CPT1C: variants seen among roughly 807,000 people sequenced by gnomAD.
The protein encoded by CPT1C is palmitoyl thioesterase CPT1C.
A neutral mutation model predicts 97.3 loss-of-function variants in CPT1C; 61 were observed. That is an observed-to-expected ratio of 0.63 (90% CI 0.51 to 0.78). CPT1C has a LOEUF of 0.78. Ranked by LOEUF, CPT1C falls within the 30% of genes least tolerant of loss-of-function variation. The pLI, the probability that CPT1C is intolerant of heterozygous loss-of-function variation, is 0.00. For synonymous variants in CPT1C, 469 were observed against 447.2 expected (o/e 1.05, Z -0.61); for missense variants, 975 against 1,065.5 (o/e 0.92, Z 1.18).
chr19:49,712,218 C>G, intron 17 of CPT1C: 1 of 457,678 alleles, frequency 2.2e-6, no homozygotes, highest in Non-Finnish European at 3.9e-6. Flanking sequence ...TGACAGGCAC[C>G]TGTAATCCCA....
intron 3 of CPT1C, 113 bp downstream of exon 3, chr19:49,692,506 C>A: frequency 7.4e-7 from 1 of 1,351,584 alleles, no homozygotes; most frequent in Non-Finnish European, 1.0e-6. Flanking sequence ...ACTATCACCC[C>A]TTTTTCTTAG....
intron 3 of CPT1C, among the ~76,000 whole-genome samples, chr19:49,695,291 T>G (rs1335653260): frequency 6.6e-6 from 1 of 150,984 alleles, no homozygotes; most frequent in East Asian, 1.9e-4. Flanking sequence ...TTTTTTTTTT[T>G]TTTTTTTTTG....
In CPT1C at chr19:49,706,482, T is replaced by C. The variant is rs12980899; in HGVS notation, c.1343+69T>C. On this transcript the variant is annotated intron_variant, in intron 12 of 19. Transcript: ENST00000598293. This position sits in a 1 kb window ranked among gnomAD's most constrained non-coding sequence, Gnocchi z 4.8. ...AATCCAGTATCAGACCTAGGACCCC[T>C]GACAGTAGACAGCCAGACCCTGGAG... 206,446 of 1,315,634 alleles carry C rather than the reference T, an allele frequency of 0.16. 17,822 individuals are homozygous for C. Among genetic ancestry groups the C allele is most frequent in the Non-Finnish European group, 0.18 (178,239 of 1,014,668 alleles). 81.5% of individuals were successfully genotyped at this position (1,315,634 alleles called of 1,614,324 possible).
intron 17 of CPT1C, chr19:49,712,405 T>G (rs1400443635): frequency 2.4e-5 from 8 of 332,244 alleles, no homozygotes; most frequent in African/African-American, 6.9e-5. Context: ...AAGTCAGTTG[T>G]GGGGGGGCGG....
intron 16 of CPT1C, 157 bp downstream of exon 16, chr19:49,711,014 G>A (rs536716160): frequency 2.0e-4 from 139 of 691,176 alleles, no homozygotes; most frequent in Non-Finnish European, 2.0e-4. Context: ...GCTCACTGAT[G>A]GGGGGAGACA....
intron 14 of CPT1C, among the ~76,000 whole-genome samples, chr19:49,709,218 TCCTAACTCCACCCCATACCAAAC>T (rs1436246520): frequency 8.1e-4 from 123 of 151,088 alleles, no homozygotes; most frequent in African/African-American, 2.8e-3. Context: ...CCCATGTTCA[TCCTAACTCCACCCCATACCAAAC>T]CCTAACCCCA....
Position 49,701,481 on chromosome 19 carries a change from C to G in CPT1C, c.556-16C>G. On this transcript the variant is annotated splice_polypyrimidine_tract_variant and intron_variant, in intron 6 of 19. Transcript: ENST00000598293. ...GGGCGGGCCGGGGGCGTGACCTGCC[C>G]TCTTCTCCCCTTTAGTACCTGGAGT... 6.3e-7 allele frequency: 1 copy of G among 1,599,432 alleles called. No homozygotes were observed. The highest frequency in any genetic ancestry group is 8.6e-7 in the Non-Finnish European group (1 of 1,169,292).
chr19:49,695,707 C>A (rs1324969020), intron 3 of CPT1C, among the ~76,000 whole-genome samples: 1 of 150,896 alleles, frequency 6.6e-6, no homozygotes, highest in African/African-American at 2.4e-5. Flanking sequence ...GCCTCAGCCT[C>A]CAAGTAGCTA....
upstream of CPT1C, chr19:49,690,686 T>C (rs2082316338): frequency 3.7e-6 from 2 of 539,898 alleles, no homozygotes; most frequent in African/African-American, 1.9e-5. The surrounding 1 kb of genome is among the most constrained non-coding windows in gnomAD (Gnocchi z 4.4). Flanking sequence ...ACTGTCTACC[T>C]TGAATCCAAC....
In CPT1C at chr19:49,710,920, C is replaced by T. The variant is rs546451413; in HGVS notation, c.1866+63C>T. ...GTGTACTCACTCATCCACTTGCAAA[C>T]GTTGATGGGACCTACTGAAGCCAGC... On this transcript the variant is annotated intron_variant, in intron 16 of 19. Transcript: ENST00000598293. 39 of 1,532,806 alleles carry T rather than the reference C, an allele frequency of 2.5e-5. 1 individual carries two copies. In the East Asian group the frequency reaches 7.5e-4, roughly 30 times the overall value. 95.0% of individuals were successfully genotyped at this position (1,532,806 alleles called of 1,614,324 possible).
Position 49,713,708 on chromosome 19 carries a change from G to C in CPT1C, c.*103G>C. 9.1e-7 allele frequency: 1 copy of C among 1,098,382 alleles called. No individual in the cohort carries two copies. Among genetic ancestry groups the C allele is most frequent in the Non-Finnish European group, 1.3e-6 (1 of 757,496 alleles). 68.0% of individuals were successfully genotyped at this position (1,098,382 alleles called of 1,614,324 possible). ...ACTGGTTTGGCAACCCCACATCCAGGCCAATAAAGATGTGTGAGCTGGGTG... is the reference window on the plus strand; with the variant it reads ...ACTGGTTTGGCAACCCCACATCCAGCCCAATAAAGATGTGTGAGCTGGGTG... On this transcript the variant is annotated 3_prime_UTR_variant, in exon 20 of 20. Coordinates refer to ENST00000598293, the MANE Select transcript of CPT1C (RefSeq NM_001199753.2).
chr19:49,706,145 G>A lies in CPT1C; in HGVS notation c.1160+41G>A, dbSNP rs752905653. On this transcript the variant is annotated intron_variant, in intron 11 of 19. Coordinates refer to ENST00000598293, the MANE Select transcript of CPT1C (RefSeq NM_001199753.2). This position sits in a 1 kb window ranked among gnomAD's most constrained non-coding sequence, Gnocchi z 4.8. ...CAGGGGTCAGGGGCTCTCAGAGGCC[G>A]CCAGTGTCCTGAGACTGTGGAAGGG... 30 of 1,584,514 alleles carry A rather than the reference G, an allele frequency of 1.9e-5. 1 individual carries two copies. In the South Asian group the frequency reaches 2.4e-4, roughly 13 times the overall value.
rs539861769 is a variant in CPT1C, at chr19:49,710,377, G to A, written c.1624G>A (p.Asp542Asn). Residue 542 changes from aspartate (D) to asparagine (N), a missense_variant, in exon 15 of 20, where the codon GAC (aspartate) becomes AAC (asparagine). Around this residue, in one of 3 missense-constraint regions of CPT1C, gnomAD observed 344 missense variants for 395.7 expected, o/e 0.87. Transcript: ENST00000598293. ...RGAKILSENV[D>N]CHVVPFSLFG... ...AGCCAAGATCTTGTCTGAAAATGTC[G>A]ACTGCCATGTCGTTCCATTCTCCCT... is the stretch of plus-strand genomic sequence containing the variant. 3.1e-6 allele frequency: 5 copies of A among 1,613,978 alleles called. No homozygotes were observed. The highest frequency in any genetic ancestry group is 3.3e-5 in the Admixed American group (2 of 59,980).
chr19:49,695,057 C>T (rs547876059), intron 3 of CPT1C, among the ~76,000 whole-genome samples: 6 of 151,874 alleles, frequency 4.0e-5, no homozygotes, highest in African/African-American at 1.2e-4. Context: ...AGGAGAATGG[C>T]GTGAACCCAG....
chr19:49,712,923 G>A, intron 18 of CPT1C, 49 bp from the exon 19 acceptor site: 1 of 1,594,530 alleles, frequency 6.3e-7, no homozygotes, highest in Non-Finnish European at 8.6e-7. Flanking sequence ...CATAGTGGGG[G>A]TGGAGGGGAC....
chr19:49,707,664 C>T, intron 13 of CPT1C, 41 bp downstream of exon 13: 1 of 1,384,902 alleles, frequency 7.2e-7, no homozygotes. Flanking sequence ...GACCCCTGCC[C>T]CATCTCCAAA....
Position 49,713,648 on chromosome 19 carries a change from A to C in CPT1C, c.*43A>C. 1 of 1,555,396 alleles carries C rather than the reference A, an allele frequency of 6.4e-7. No homozygotes were observed. Among genetic ancestry groups the C allele is most frequent in the Admixed American group, 1.9e-5 (1 of 53,512 alleles). ...CTGGCCTCTCCAAGGAATAAGGGTG[A>C]AATTGCCACAGCTGGCTGACACAGG... is the stretch of plus-strand genomic sequence containing the variant. On this transcript the variant is annotated 3_prime_UTR_variant, in exon 20 of 20. Coordinates refer to ENST00000598293, the MANE Select transcript of CPT1C (RefSeq NM_001199753.2).
intron 4 of CPT1C, among the ~76,000 whole-genome samples, chr19:49,698,767 AT>A (rs2082820665): frequency 6.6e-6 from 1 of 152,104 alleles, no homozygotes; most frequent in African/African-American, 2.4e-5. Context: ...AAAATGAGGT[AT>A]GAATAATTGC....
chr19:49,700,233 C>T (rs1054116617), intron 4 of CPT1C, among the ~76,000 whole-genome samples: 18 of 148,528 alleles, frequency 1.2e-4, no homozygotes, highest in African/African-American at 4.0e-4. Context: ...GGCGACAGAG[C>T]GAGACTCCAT....
Sources: gnomAD v4.1 joint callset for allele counts (sites outside exome capture counted in the v4.1 genomes callset) on GRCh38, gnomAD v4.1.1 for gene constraint, gnomAD v4.1.1 regional missense constraint, Gnocchi (gnomAD v3.1) non-coding constraint, MANE v1.5 for transcripts, NCBI Gene and HGNC (gene_info 2026-07-23, HGNC 2026-07-21) for gene names.